ZNF341: variants seen among roughly 807,000 people sequenced by gnomAD.
ZNF341 encodes zinc finger protein 341.
In ZNF341, 52 loss-of-function variants were observed where a neutral mutation model predicts 87.7. That is an observed-to-expected ratio of 0.59 (90% CI 0.47 to 0.75). The LOEUF is 0.75. Ranked by LOEUF, ZNF341 falls within the 30% of genes least tolerant of loss-of-function variation. The pLI is 0.00. For synonymous variants in ZNF341, 459 were observed against 472.7 expected (o/e 0.97, Z 0.38); for missense variants, 977 against 1,145.9 (o/e 0.85, Z 2.13).
At chr20:33,734,971 G>T (rs1344362690) in intron 1 of ZNF341, among the ~76,000 whole-genome samples, 1 of 150,638 alleles carries the variant, frequency 6.6e-6, no homozygotes, top group African/African-American at 2.4e-5. Flanking sequence ...CTCCCAAAGT[G>T]CTGGGATTAC....
At chr20:33,785,214 T>C (rs1042667314) in intron 12 of ZNF341, among the ~76,000 whole-genome samples, 6 of 152,232 alleles carry the variant, frequency 3.9e-5, no homozygotes, top group South Asian at 4.1e-4. Flanking sequence ...TCCTTTTTTT[T>C]CTTTCCTACG....
intron 10 of ZNF341, among the ~76,000 whole-genome samples, chr20:33,775,207 G>GTTTTTT (rs1251152193): frequency 6.7e-6 from 1 of 149,590 alleles, no homozygotes; most frequent in African/African-American, 2.5e-5. Flanking sequence ...AGTTGAAAGG[G>GTTTTTT]TTTTGTTTTT....
intron 7 of ZNF341, 26 bp downstream of exon 7, chr20:33,758,832 G>T (rs1447951446): frequency 1.2e-6 from 2 of 1,604,580 alleles, no homozygotes; most frequent in Admixed American, 3.3e-5. Context: ...GAGGCAGGTG[G>T]CTCCTGGGCA....
intron 10 of ZNF341, among the ~76,000 whole-genome samples, chr20:33,779,773 T>C (rs766559808): frequency 1.4e-4 from 21 of 152,016 alleles, no homozygotes; most frequent in Admixed American, 6.6e-5. Flanking sequence ...TAAGAATGAG[T>C]GACAGGCAGG....
At chr20:33,764,561 A>ATATTT (rs1266929824) in intron 8 of ZNF341, among the ~76,000 whole-genome samples, 4 of 28,404 alleles carry the variant, frequency 1.4e-4, no homozygotes, top group Non-Finnish European at 2.7e-4. Context: ...ATATATATAT[A>ATATTT]TTTTTTTTTT....
intron 12 of ZNF341, chr20:33,787,150 C>G (rs1050916281): frequency 6.6e-6 from 1 of 152,108 alleles, no homozygotes; most frequent in African/African-American, 2.4e-5. Context: ...ACCTCCCCAT[C>G]TTTCTTCCTG....
chr20:33,790,888 G>A (rs1454039708), intron 14 of ZNF341, 100 bp from the exon 15 acceptor site: 2 of 1,381,752 alleles, frequency 1.4e-6, no homozygotes, highest in East Asian at 4.8e-5. Flanking sequence ...AGATCACACA[G>A]GTGCTGGTGG....
Position 33,758,728 on chromosome 20 carries a change from C to T in ZNF341, c.950C>T (p.Pro317Leu). The T allele has an allele frequency of 6.2e-7, 1 of 1,613,692 alleles. No individual in the cohort carries two copies. Among genetic ancestry groups the T allele is most frequent in the East Asian group, 2.2e-5 (1 of 44,882 alleles). The change falls in exon 7 of 15, where the codon CCA (proline) becomes CTA (leucine). Residue 317 changes from proline to leucine, a missense_variant. This residue lies in a region of ZNF341 where 515 missense variants were observed against 598.2 expected (regional missense o/e 0.86). Coordinates refer to ENST00000375200, the MANE Select transcript of ZNF341 (RefSeq NM_001282933.2). ...ACTTGTCTTTCAGCTGCAGGGAAGC[C>T]AAAGGCTCAGAAACTCAAGTGCTCA... is the stretch of plus-strand genomic sequence containing the variant. ...ARGLPEAAGK[P>L]KAQKLKCSYC...
chr20:33,775,689 A>G (rs2019613977), intron 10 of ZNF341, among the ~76,000 whole-genome samples: 1 of 151,984 alleles, frequency 6.6e-6, no homozygotes, highest in African/African-American at 2.4e-5. Flanking sequence ...TTATTTTGTC[A>G]TAATTTTATT....
intron 14 of ZNF341, among the ~76,000 whole-genome samples, chr20:33,790,366 G>A (rs554536131): frequency 2.0e-5 from 3 of 152,050 alleles, no homozygotes; most frequent in South Asian, 2.1e-4. Flanking sequence ...AGCCACCGGC[G>A]CCTGGCCTGT....
chr20:33,749,575 G>T (rs1314824168), intron 4 of ZNF341, among the ~76,000 whole-genome samples: 1 of 152,126 alleles, frequency 6.6e-6, no homozygotes, highest in South Asian at 2.1e-4. Context: ...AGGATTACAG[G>T]TGTGAGCCAC....
chr20:33,749,902 G>A (rs1043699514), intron 4 of ZNF341, among the ~76,000 whole-genome samples: 8 of 151,858 alleles, frequency 5.3e-5, no homozygotes, highest in East Asian at 1.9e-4. Context: ...ACAGGTGTGC[G>A]CCACCACGCC....
At chr20:33,786,967 C>CAAAAAAAAAAAAAAAAAAAAAAAAAAA in intron 12 of ZNF341, 1 of 79,968 alleles carries the variant, frequency 1.3e-5, no homozygotes, top group Non-Finnish European at 3.2e-5. Flanking sequence ...GACTCTGTTT[C>CAAAAAAAAAAAAAAAAAAAAAAAAAAA]AAAAAAAAAA....
At chr20:33,786,992 A>G (rs2019879868) in intron 12 of ZNF341, 2 of 151,860 alleles carry the variant, frequency 1.3e-5, no homozygotes, top group Non-Finnish European at 1.5e-5. Context: ...AAATACAAAA[A>G]ACGAAACAAA....
chr20:33,760,576 C>T (rs1004791999), intron 7 of ZNF341, among the ~76,000 whole-genome samples: 1 of 151,882 alleles, frequency 6.6e-6, no homozygotes, highest in Admixed American at 6.6e-5. Context: ...CAGGGTCTTG[C>T]TCTGTTGCCC....
chr20:33,790,713 C>T (rs989375158), intron 14 of ZNF341, among the ~76,000 whole-genome samples: 10 of 152,124 alleles, frequency 6.6e-5, no homozygotes, highest in South Asian at 4.1e-4. Context: ...CCTGGCAAAG[C>T]GAGCCAAGGT....
intron 11 of ZNF341, among the ~76,000 whole-genome samples, chr20:33,783,340 G>T (rs1004482821): frequency 2.0e-5 from 3 of 152,056 alleles, no homozygotes; most frequent in African/African-American, 7.3e-5. Flanking sequence ...TCATTCAGTG[G>T]GTTAAATGCT....
In ZNF341 at chr20:33,791,187, G is replaced by GT; in HGVS notation, c.2235_2236insT (p.Pro746SerfsTer24). 6.2e-7 allele frequency: 1 copy of GT among 1,612,954 alleles called. No individual in the cohort carries two copies. Among genetic ancestry groups the GT allele is most frequent in the Non-Finnish European group, 8.5e-7 (1 of 1,179,940 alleles). ...AGGACAAGGACCTGCAAACCCGGCG[G>GT]CCCCCCCAGAGGAGGGCAGCCCCCC... is the stretch of plus-strand genomic sequence containing the variant. On this transcript the variant is annotated frameshift_variant, in exon 15 of 15. Coordinates refer to ENST00000375200, the MANE Select transcript of ZNF341 (RefSeq NM_001282933.2). LOFTEE classifies it high-confidence loss of function.
rs143230766 is a variant in ZNF341, at chr20:33,751,034, C to T, written c.489+1962C>T. On this transcript the variant is annotated intron_variant, in intron 4 of 14. Transcript: ENST00000375200. ...AAGCAATCCTCCTCCCTCTGTCTCC[C>T]AAAGTGCTGGGATTACAGGTGTGAG... Among the ~76,000 whole-genome samples, 281 of 152,238 alleles carry T rather than the reference C, an allele frequency of 1.8e-3. 2 individuals are homozygous for T. Among genetic ancestry groups the T allele is most frequent in the Non-Finnish European group, 2.6e-3 (175 of 68,002 alleles).
Sources: allele counts gnomAD v4.1 joint callset (sites outside exome capture counted in the v4.1 genomes callset), GRCh38; gene constraint gnomAD v4.1.1; regional missense constraint gnomAD v4.1.1; transcripts MANE v1.5; gene names NCBI Gene and HGNC (gene_info 2026-07-23, HGNC 2026-07-21).